DCLK1: variants seen among roughly 807,000 people sequenced by gnomAD.
DCLK1 encodes the protein serine/threonine-protein kinase DCLK1.
A neutral mutation model predicts 86.2 loss-of-function variants in DCLK1; 16 were observed. That is an observed-to-expected ratio of 0.19 (90% CI 0.13 to 0.28). DCLK1 has a LOEUF of 0.28. DCLK1 is among the 10% of genes least tolerant of loss of function. The probability of loss-of-function intolerance (pLI) is 1.00; values close to 1 mark genes in which losing one functional copy is unlikely to be tolerated. For synonymous variants in DCLK1, 369 were observed against 370.5 expected, an observed-to-expected ratio of 1.00 and a Z score of 0.05; for missense variants, 590 against 940.2, an observed-to-expected ratio of 0.63 and a Z score of 4.87.
At chr13:35,907,503 T>C (rs567321130) in intron 4 of DCLK1, among the ~76,000 whole-genome samples, 1 of 152,260 alleles carries the variant, frequency 6.6e-6, no homozygotes, top group East Asian at 1.9e-4. Flanking sequence ...CTTCCCTTTT[T>C]CAGACATACC....
At chr13:36,084,364 G>A (rs999347280) in intron 3 of DCLK1, among the ~76,000 whole-genome samples, 2 of 152,138 alleles carry the variant, frequency 1.3e-5, no homozygotes, top group Non-Finnish European at 2.9e-5. Flanking sequence ...AATGACTGAC[G>A]TACAATCACC....
chr13:35,940,103 C>T (rs1015146998), intron 4 of DCLK1, among the ~76,000 whole-genome samples: 3 of 152,014 alleles, frequency 2.0e-5, no homozygotes, highest in Non-Finnish European at 4.4e-5. Context: ...TGCCTGTAGT[C>T]CCAGCTACTC....
At chr13:35,854,684 T>C (rs1226458974) in intron 5 of DCLK1, 91 bp from the exon 6 acceptor site, 10 of 1,139,872 alleles carry the variant, frequency 8.8e-6, no homozygotes, top group Non-Finnish European at 1.2e-5. Context: ...AACAATTATA[T>C]AGAGAGCCAT....
chr13:35,806,200 T>C (rs1164537025), intron 14 of DCLK1, among the ~76,000 whole-genome samples: 1 of 152,032 alleles, frequency 6.6e-6, no homozygotes, highest in African/African-American at 2.4e-5. Context: ...AAATGAAAAT[T>C]TCCCCCTAAT....
chr13:35,911,388 C>A (rs924974233), intron 4 of DCLK1, among the ~76,000 whole-genome samples: 2 of 152,050 alleles, frequency 1.3e-5, no homozygotes, highest in African/African-American at 4.8e-5. Flanking sequence ...AATGGCCCCA[C>A]CTCTCCAGGG....
chr13:35,801,443 G>C (rs1432549818), intron 15 of DCLK1, among the ~76,000 whole-genome samples: 1 of 143,682 alleles, frequency 7.0e-6, no homozygotes, highest in African/African-American at 2.8e-5. Context: ...TCTTTAAAAA[G>C]CTTTTATTAA....
At chr13:35,939,039 A>G (rs746372638) in intron 4 of DCLK1, among the ~76,000 whole-genome samples, 13 of 152,334 alleles carry the variant, frequency 8.5e-5, no homozygotes, top group East Asian at 1.9e-4. Context: ...ATATGTATCC[A>G]TAGTTTGGCT....
chr13:35,830,786 G>C (rs1230225250), intron 8 of DCLK1, among the ~76,000 whole-genome samples: 1 of 152,164 alleles, frequency 6.6e-6, no homozygotes, highest in Non-Finnish European at 1.5e-5. Context: ...AAAAATAAAA[G>C]CTGCCGTTCC....
At chr13:35,804,293 G>A (rs2086981648) in intron 15 of DCLK1, among the ~76,000 whole-genome samples, 1 of 98,524 alleles carries the variant, frequency 1.0e-5, no homozygotes, top group Non-Finnish European at 1.8e-5. Flanking sequence ...ACCATGCCTA[G>A]CTATTTTTTT....
At chr13:36,100,341 T>C (rs568276925) in intron 3 of DCLK1, among the ~76,000 whole-genome samples, 2 of 152,096 alleles carry the variant, frequency 1.3e-5, no homozygotes, top group South Asian at 4.1e-4. Context: ...GTCACACCAC[T>C]GTACTCTAGC....
At chr13:36,086,622 C>T (rs1045356360) in intron 3 of DCLK1, among the ~76,000 whole-genome samples, 7 of 152,038 alleles carry the variant, frequency 4.6e-5, no homozygotes, top group Admixed American at 2.0e-4. Context: ...TCCCTCCCCT[C>T]GCCCCTGCCC....
chr13:35,958,115 C>T (rs1253687703), intron 3 of DCLK1, among the ~76,000 whole-genome samples: 3 of 139,814 alleles, frequency 2.1e-5, no homozygotes, highest in Non-Finnish European at 4.6e-5. Context: ...CCACCATCAC[C>T]ACCACCACTA....
intron 16 of DCLK1, among the ~76,000 whole-genome samples, chr13:35,777,309 G>A (rs1338066138): frequency 6.6e-6 from 1 of 152,126 alleles, no homozygotes; most frequent in African/African-American, 2.4e-5. Flanking sequence ...AAGCATTTTT[G>A]TCCAATGTTC....
At chr13:35,890,880 G>GT (rs58356852) in intron 4 of DCLK1, among the ~76,000 whole-genome samples, 121,875 of 145,152 alleles carry the variant, frequency 0.84, 52,211 homozygotes, top group Non-Finnish European at 0.93. Context: ...TTTTTTTTCT[G>GT]TTTTTTTTTT....
At chr13:36,085,697 G>C (rs908480865) in intron 3 of DCLK1, among the ~76,000 whole-genome samples, 1 of 152,166 alleles carries the variant, frequency 6.6e-6, no homozygotes, top group African/African-American at 2.4e-5. Context: ...CAAAATTATA[G>C]TTGGGGTAGA....
intron 5 of DCLK1, among the ~76,000 whole-genome samples, chr13:35,866,072 C>A (rs1220455494): frequency 1.3e-5 from 2 of 152,088 alleles, no homozygotes; most frequent in South Asian, 4.2e-4. Flanking sequence ...CCAGAAGTCC[C>A]CGGTGCCAGC....
chr13:35,846,990 C>A, intron 6 of DCLK1: 1 of 985,064 alleles, frequency 1.0e-6, no homozygotes, highest in African/African-American at 1.7e-5. Context: ...ATTTATGTTC[C>A]AACATTATAC....
chr13:35,801,817 A>G (rs1593604367), intron 15 of DCLK1, among the ~76,000 whole-genome samples: 1 of 152,318 alleles, frequency 6.6e-6, no homozygotes, highest in Admixed American at 6.5e-5. Context: ...TTGGGATATT[A>G]TTAATATAGG....
At chr13:35,855,407 G>T in intron 5 of DCLK1, 2 of 1,166,836 alleles carry the variant, frequency 1.7e-6, no homozygotes, top group Non-Finnish European at 2.5e-6. Context: ...TGGCATTACA[G>T]CCCCACAGTC....
Sources: allele counts gnomAD v4.1 joint callset (sites outside exome capture counted in the v4.1 genomes callset), GRCh38; gene constraint gnomAD v4.1.1; transcripts MANE v1.5; gene names NCBI Gene and HGNC (gene_info 2026-07-23, HGNC 2026-07-21).